The following INSL6 variants were observed in gnomAD, a reference collection of about 807,000 sequenced individuals.
INSL6 encodes insulin-like peptide INSL6.
In INSL6, 16 loss-of-function variants were observed where a neutral mutation model predicts 9.4. The observed-to-expected ratio is 1.70, with a 90% CI of 1.15 to 2.59. The LOEUF (loss-of-function observed/expected upper bound fraction) is 2.59, where lower values mean the gene tolerates loss of function less well. Among genes scored for constraint, INSL6 ranks in the 30% most tolerant of loss-of-function variants. INSL6 has a pLI of 0.00. For synonymous variants in INSL6, 154 were observed against 96.9 expected (o/e 1.59, Z -3.46); for missense variants, 391 against 257.3 (o/e 1.52, Z -3.56).
chr9:5,020,085 C>T, the INSL6 span, among the ~76,000 whole-genome samples: 1 of 152,158 alleles, frequency 6.6e-6, no homozygotes, highest in Non-Finnish European at 1.5e-5. Context: ...CCACAGGCCC[C>T]TGGGCAGTGA....
At chr9:5,155,751 A>C (rs909989214) in intron 2 of INSL6, among the ~76,000 whole-genome samples, 1 of 147,112 alleles carries the variant, frequency 6.8e-6, no homozygotes, top group Non-Finnish European at 1.5e-5. Flanking sequence ...GGGGAACATC[A>C]CACACCGGGG....
the INSL6 span, among the ~76,000 whole-genome samples, chr9:5,032,066 C>A: frequency 6.6e-6 from 1 of 152,240 alleles, no homozygotes; most frequent in Non-Finnish European, 1.5e-5. Flanking sequence ...CACTCTAATA[C>A]TGCGCTATTC....
the INSL6 span, among the ~76,000 whole-genome samples, chr9:5,103,700 A>G: frequency 6.6e-6 from 1 of 152,224 alleles, no homozygotes; most frequent in Non-Finnish European, 1.5e-5. Context: ...AAAAGAACAG[A>G]TATCACAACA....
the INSL6 span, chr9:5,069,996 C>G: frequency 1.2e-6 from 2 of 1,607,870 alleles, no homozygotes; most frequent in South Asian, 2.2e-5. Flanking sequence ...ATTACAGAGG[C>G]CTACTCATAT....
chr9:4,998,382 G>A, the INSL6 span, among the ~76,000 whole-genome samples: 4 of 151,978 alleles, frequency 2.6e-5, no homozygotes, highest in African/African-American at 4.8e-5. Flanking sequence ...TCAGCCTCCC[G>A]AGTAACTGGG....
chr9:5,170,205 A>G (rs928952038), intron 1 of INSL6, among the ~76,000 whole-genome samples: 2 of 152,210 alleles, frequency 1.3e-5, no homozygotes, highest in Non-Finnish European at 2.9e-5. Context: ...AACTCACTCA[A>G]AACCACATAA....
the INSL6 span, among the ~76,000 whole-genome samples, chr9:5,053,171 G>C: frequency 3.9e-5 from 6 of 152,100 alleles, no homozygotes; most frequent in East Asian, 1.2e-3. Flanking sequence ...ATCCATCCTA[G>C]TGGGTGGAAG....
chr9:5,032,646 G>A, the INSL6 span, among the ~76,000 whole-genome samples: 2 of 152,200 alleles, frequency 1.3e-5, no homozygotes, highest in Non-Finnish European at 2.9e-5. Context: ...GGTCTGGAGT[G>A]GACCTCCAGC....
At chr9:5,030,430 G>A in the INSL6 span, among the ~76,000 whole-genome samples, 1 of 152,048 alleles carries the variant, frequency 6.6e-6, no homozygotes, top group Non-Finnish European at 1.5e-5. Context: ...ATGAAACAAA[G>A]ATACGTTTGA....
chr9:5,150,827 C>G (rs543316717), intron 2 of INSL6, among the ~76,000 whole-genome samples: 1 of 147,880 alleles, frequency 6.8e-6, no homozygotes, highest in Non-Finnish European at 1.5e-5. Context: ...TATCCATCAA[C>G]AGATGACTGG....
At chr9:5,014,450 T>G in the INSL6 span, among the ~76,000 whole-genome samples, 1 of 152,216 alleles carries the variant, frequency 6.6e-6, no homozygotes. Context: ...AATAATACAT[T>G]AAGGTTCTTA....
chr9:5,166,841 A>AT (rs1429519756), intron 1 of INSL6, among the ~76,000 whole-genome samples: 1 of 152,216 alleles, frequency 6.6e-6, no homozygotes, highest in East Asian at 1.9e-4. Flanking sequence ...ACAATATGAG[A>AT]TTTTAAAATA....
chr9:5,037,571 G>C, the INSL6 span, among the ~76,000 whole-genome samples: 2 of 152,132 alleles, frequency 1.3e-5, no homozygotes, highest in Non-Finnish European at 2.9e-5. Flanking sequence ...CATGGATGAA[G>C]CTGGAAACCA....
the INSL6 span, among the ~76,000 whole-genome samples, chr9:5,027,456 GA>G: frequency 6.6e-6 from 1 of 152,164 alleles, no homozygotes; most frequent in Admixed American, 6.5e-5. Flanking sequence ...TTTGTTAGTG[GA>G]GAGTCTTGCC....
At chr9:5,124,964 C>T (rs571715741) in intron 3 of INSL6, among the ~76,000 whole-genome samples, 37 of 151,512 alleles carry the variant, frequency 2.4e-4, no homozygotes, top group African/African-American at 8.9e-4. Context: ...TATTGGGAAG[C>T]TAGTTAGTAC....
At chr9:5,181,490 T>C (rs1825453215) in intron 1 of INSL6, among the ~76,000 whole-genome samples, 1 of 152,144 alleles carries the variant, frequency 6.6e-6, no homozygotes, top group South Asian at 2.1e-4. Context: ...GTAATATTCC[T>C]ACCGAGACCA....
At chr9:5,123,606 A>G (rs1440254639), downstream of INSL6, among the ~76,000 whole-genome samples, 2 of 152,036 alleles carry the variant, frequency 1.3e-5, no homozygotes, top group Non-Finnish European at 2.9e-5. Flanking sequence ...ATGCTGCAAT[A>G]AACATACAGG....
At chr9:5,044,607 A>G in the INSL6 span, 6 of 791,802 alleles carry the variant, frequency 7.6e-6, no homozygotes, top group South Asian at 9.4e-5. Flanking sequence ...AAAACTTTAC[A>G]TATGGGAAAA....
chr9:5,093,099 T>A, the INSL6 span, among the ~76,000 whole-genome samples: 1 of 152,106 alleles, frequency 6.6e-6, no homozygotes, highest in African/African-American at 2.4e-5. Flanking sequence ...TTAATATAAA[T>A]AACATGAAAA....
Sources: allele counts gnomAD v4.1 joint callset (sites outside exome capture counted in the v4.1 genomes callset), GRCh38; gene constraint gnomAD v4.1.1; transcripts MANE v1.5; gene names NCBI Gene and HGNC (gene_info 2026-07-23, HGNC 2026-07-21).